Variants in DCUN1D5 observed in about 807,000 individuals in gnomAD.
DCUN1D5 encodes defective in cullin neddylation 1 domain containing 5, also known as DCN1-like protein 5.
Under a neutral mutation model 38.3 loss-of-function variants are expected in DCUN1D5, and 10 were observed. The observed-to-expected ratio is 0.26, with a 90% CI of 0.16 to 0.44. The LOEUF (loss-of-function observed/expected upper bound fraction) is 0.44, where lower values mean the gene tolerates loss of function less well. DCUN1D5 is among the 20% of genes least tolerant of loss of function. DCUN1D5 has a pLI of 1.00. For synonymous variants in DCUN1D5, 93 were observed against 90.9 expected, an observed-to-expected ratio of 1.02 and a Z score of -0.13; for missense variants, 148 against 275.3, an observed-to-expected ratio of 0.54 and a Z score of 3.27.
At chr11:103,088,795 T>C (rs1436790438) in intron 2 of DCUN1D5, among the ~76,000 whole-genome samples, 1 of 152,234 alleles carries the variant, frequency 6.6e-6, no homozygotes, top group East Asian at 1.9e-4. Context: ...TCTTTTACTA[T>C]GTCTCCCCAA....
chr11:103,058,874 G>A lies in DCUN1D5; in HGVS notation c.*3485C>T, dbSNP rs769574296. Among the ~76,000 whole-genome samples the A allele has an allele frequency of 1.3e-5, 2 of 151,264 alleles. No homozygotes were observed. Among genetic ancestry groups the A allele is most frequent in the African/African-American group, 2.4e-5 (1 of 40,904 alleles). On this transcript the variant is annotated 3_prime_UTR_variant, in exon 8 of 8. Transcript: ENST00000260247. ...CTTAGAGGTAAGAATTCTTCTTTAG[G>A]AGTAAGACTTTTGGGTTTTTTTGGG...
At chr11:103,074,197 G>A (rs535968524) in intron 4 of DCUN1D5, among the ~76,000 whole-genome samples, 1 of 152,254 alleles carries the variant, frequency 6.6e-6, no homozygotes, top group South Asian at 2.1e-4. Context: ...GTTATAGAAT[G>A]TAAGAAAATG....
In DCUN1D5 at chr11:103,071,645, G is replaced by A. The variant is rs1158870830; in HGVS notation, c.342-5078C>T. Among the ~76,000 whole-genome samples the A allele has an allele frequency of 2.7e-5, 4 of 150,644 alleles. No homozygotes were observed. Among genetic ancestry groups the A allele is most frequent in the Non-Finnish European group, 5.9e-5 (4 of 67,636 alleles). ...ACATAGATATAAAAATTCTACATAT[G>A]TAACAATTTTTCTACATCAAAACTT... is the stretch of plus-strand genomic sequence containing the variant. On this transcript the variant is annotated intron_variant, in intron 4 of 7. Transcript: ENST00000260247. The surrounding 1 kb of genome is among the most constrained non-coding windows in gnomAD (Gnocchi z 4.1).
At chr11:103,080,005 A>C (rs1159984642) in intron 4 of DCUN1D5, 1 of 152,238 alleles carries the variant, frequency 6.6e-6, no homozygotes, top group East Asian at 1.9e-4. Context: ...AGCCTATATG[A>C]ATAGAAAACA....
At position 103,057,842 on chromosome 11, in the gene DCUN1D5, A is replaced by T. The variant is rs1861911983; in HGVS notation, c.*4517T>A. On this transcript the variant is annotated 3_prime_UTR_variant, in exon 8 of 8. Coordinates refer to ENST00000260247, the MANE Select transcript of DCUN1D5 (RefSeq NM_032299.4). The surrounding 1 kb of genome is among the most constrained non-coding windows in gnomAD (Gnocchi z 4.8). Reference sequence around the variant, plus strand: ...CACTTCAAGTATTTATTAGCTTTTTAAAATCCACAATTTTAACCTCATACT... The same window carrying T: ...CACTTCAAGTATTTATTAGCTTTTTTAAATCCACAATTTTAACCTCATACT... 1.3e-5 allele frequency among the ~76,000 whole-genome samples: 2 copies of T among 152,214 alleles called. No homozygotes were observed. The highest frequency in any genetic ancestry group is 4.8e-5 in the African/African-American group (2 of 41,462).
At chr11:103,079,734 G>A (rs1862506845) in intron 4 of DCUN1D5, among the ~76,000 whole-genome samples, 1 of 150,720 alleles carries the variant, frequency 6.6e-6, no homozygotes, top group Admixed American at 6.6e-5. Flanking sequence ...AGTGAGCCAT[G>A]ATTGTGTCAC....
rs1406347923 is a variant in DCUN1D5 at position 103,062,159 on chromosome 11, T to C, written c.*200A>G. 4.0e-6 allele frequency: 2 copies of C among 505,686 alleles called. No homozygotes were observed. The highest frequency in any genetic ancestry group is 3.7e-5 in the Admixed American group (1 of 27,022). The allele number at this position is 505,686 out of a possible 1,614,324, so 31.3% of individuals were successfully genotyped here. A position where few individuals can be genotyped will look rare whatever the true frequency, so the allele number is the denominator to read the frequency against. ...ACATAACTCAAAACAAAAACTTCAA[T>C]ATTCAGTCTAAGAAGAGGTGTGGCT... On this transcript the variant is annotated 3_prime_UTR_variant, in exon 8 of 8. Transcript: ENST00000260247. This position sits in a 1 kb window ranked among gnomAD's most constrained non-coding sequence, Gnocchi z 4.6.
Position 103,066,490 on chromosome 11 carries a change from T to C in DCUN1D5, c.419A>G (p.Asn140Ser). 6.2e-7 allele frequency: 1 copy of C among 1,612,224 alleles called. No individual in the cohort carries two copies. Among genetic ancestry groups the C allele is most frequent in the Non-Finnish European group, 8.5e-7 (1 of 1,178,976 alleles). ...AAAATCAAAGGCATATCTGTAGATATTCTTAAATGACGAAATATCATTCAA... is the reference window on the plus strand; with the variant it reads ...AAAATCAAAGGCATATCTGTAGATACTCTTAAATGACGAAATATCATTCAA... ...SQLNDISSFK[N>S]IYRYAFDFAR... The change falls in exon 5 of 8, where the codon AAT becomes AGT. Residue 140 changes from asparagine (N) to serine (S), a missense_variant. Asn to Ser is a conservative substitution (Grantham distance 46). Coordinates refer to ENST00000260247, the MANE Select transcript of DCUN1D5 (RefSeq NM_032299.4). The surrounding 1 kb of genome is among the most constrained non-coding windows in gnomAD (Gnocchi z 4.7).
chr11:103,090,325 T>C (rs1315649628), intron 1 of DCUN1D5, among the ~76,000 whole-genome samples: 5 of 152,228 alleles, frequency 3.3e-5, no homozygotes, highest in Non-Finnish European at 7.3e-5. Context: ...AATTCTAATG[T>C]TGACAAACAA....
rs1426955797 is a variant in DCUN1D5, at chr11:103,062,475, CA to C, written c.659-62del. 1 of 1,436,966 alleles carries C rather than the reference CA, an allele frequency of 7.0e-7. No individual in the cohort carries two copies. The highest frequency in any genetic ancestry group is 9.7e-7 in the Non-Finnish European group (1 of 1,027,192). 89.0% of individuals were successfully genotyped at this position (1,436,966 alleles called of 1,614,324 possible). ...TGAACTCATCTCTCCAATTATAAAACAAACTCCCCACGAGCTCTGCAATGAC... is the reference window on the plus strand; with the variant it reads ...TGAACTCATCTCTCCAATTATAAAACAACTCCCCACGAGCTCTGCAATGAC... On this transcript the variant is annotated intron_variant, in intron 7 of 7. Transcript: ENST00000260247. This position sits in a 1 kb window ranked among gnomAD's most constrained non-coding sequence, Gnocchi z 4.6.
intron 2 of DCUN1D5, among the ~76,000 whole-genome samples, chr11:103,085,733 T>C (rs2134634804): frequency 6.6e-6 from 1 of 152,336 alleles, no homozygotes; most frequent in Non-Finnish European, 1.5e-5. Flanking sequence ...AACTACTCTC[T>C]GGGTAAAACC....
At chr11:103,080,280 A>G (rs1591221822) in intron 4 of DCUN1D5, among the ~76,000 whole-genome samples, 1 of 152,336 alleles carries the variant, frequency 6.6e-6, no homozygotes, top group African/African-American at 2.4e-5. Flanking sequence ...AATATCAGAG[A>G]GAACTGATAA....
In DCUN1D5 at chr11:103,087,115, CA is replaced by C. The variant is rs1449694412; in HGVS notation, c.178+2111del. Among the ~76,000 whole-genome samples the C allele has an allele frequency of 6.6e-6, 1 of 151,644 alleles. No individual in the cohort carries two copies. The highest frequency in any genetic ancestry group is 2.4e-5 in the African/African-American group (1 of 41,308). ...CTGAGGCAATTAGATCACTTGAGCCCAGGAGTTGGAGACCAGTTTGGGCAAC... is the reference window on the plus strand; with the variant it reads ...CTGAGGCAATTAGATCACTTGAGCCCGGAGTTGGAGACCAGTTTGGGCAAC... On this transcript the variant is annotated intron_variant, in intron 2 of 7. Coordinates refer to ENST00000260247, the MANE Select transcript of DCUN1D5 (RefSeq NM_032299.4). This position sits in a 1 kb window ranked among gnomAD's most constrained non-coding sequence, Gnocchi z 4.1.
rs200708074 is a variant in DCUN1D5 at position 103,057,554 on chromosome 11, A to AC, written c.*4804_*4805insG. ...ATCCCATCTTTACTAAAACAAACAA[A>AC]AAAAAAAATACAAAACTTAGCTGGG... On this transcript the variant is annotated 3_prime_UTR_variant, in exon 8 of 8. Coordinates refer to ENST00000260247, the MANE Select transcript of DCUN1D5 (RefSeq NM_032299.4). The surrounding 1 kb of genome is among the most constrained non-coding windows in gnomAD (Gnocchi z 4.8). 5.6e-3 allele frequency among the ~76,000 whole-genome samples: 849 copies of AC among 151,692 alleles called. 3 individuals carry two copies. Among genetic ancestry groups the AC allele is most frequent in the African/African-American group, 0.019 (797 of 41,374 alleles).
At chr11:103,075,522 T>C (rs1177828631) in intron 4 of DCUN1D5, among the ~76,000 whole-genome samples, 2 of 152,076 alleles carry the variant, frequency 1.3e-5, no homozygotes, top group Non-Finnish European at 2.9e-5. Context: ...GCTGGGACTA[T>C]AGGCGCATGC....
rs1862072104 is a variant in DCUN1D5 at position 103,063,823 on chromosome 11, T to C, written c.658+452A>G. ...ACTATCAGTTAGCTCACAATCAATT[T>C]ATAGTTTTCAGAGAGAAGTTATACT... On this transcript the variant is annotated intron_variant, in intron 7 of 7. Transcript: ENST00000260247. The surrounding 1 kb of genome is among the most constrained non-coding windows in gnomAD (Gnocchi z 4.6). 6.6e-6 allele frequency among the ~76,000 whole-genome samples: 1 copy of C among 152,168 alleles called. No homozygotes were observed. Among genetic ancestry groups the C allele is most frequent in the Non-Finnish European group, 1.5e-5 (1 of 67,980 alleles).
At position 103,060,329 on chromosome 11, in the gene DCUN1D5, G is replaced by C. The variant is rs951830761; in HGVS notation, c.*2030C>G. Among the ~76,000 whole-genome samples the C allele has an allele frequency of 6.6e-6, 1 of 152,128 alleles. No individual in the cohort carries two copies. Among genetic ancestry groups the C allele is most frequent in the Admixed American group, 6.6e-5 (1 of 15,262 alleles). On this transcript the variant is annotated 3_prime_UTR_variant, in exon 8 of 8. Coordinates refer to ENST00000260247, the MANE Select transcript of DCUN1D5 (RefSeq NM_032299.4). Reference sequence around the variant, plus strand: ...CTCAAAAAGTCTTAAAGGTATCTTTGGATAAGTATGCAAAGTAAATACTGT... The same window carrying C: ...CTCAAAAAGTCTTAAAGGTATCTTTCGATAAGTATGCAAAGTAAATACTGT...
In DCUN1D5 at chr11:103,056,070, A is replaced by T. The variant is rs1029885036; in HGVS notation, c.*6289T>A. 6.6e-6 allele frequency among the ~76,000 whole-genome samples: 1 copy of T among 152,080 alleles called. No individual in the cohort carries two copies. Among genetic ancestry groups the T allele is most frequent in the Admixed American group, 6.6e-5 (1 of 15,264 alleles). On this transcript the variant is annotated 3_prime_UTR_variant, in exon 8 of 8. Coordinates refer to ENST00000260247, the MANE Select transcript of DCUN1D5 (RefSeq NM_032299.4). This position sits in a 1 kb window ranked among gnomAD's most constrained non-coding sequence, Gnocchi z 4.9. ...ACCACCAAAATACATTCAGAATCTGACCACTTATTATTTCCATTACTCTTA... is the reference window on the plus strand; with the variant it reads ...ACCACCAAAATACATTCAGAATCTGTCCACTTATTATTTCCATTACTCTTA...
intron 1 of DCUN1D5, 99 bp from the exon 2 acceptor site, chr11:103,089,417 G>GTTTTT: frequency 5.3e-6 from 5 of 945,736 alleles, no homozygotes; most frequent in African/African-American, 1.7e-5. Context: ...TTAAACAAAG[G>GTTTTT]TTTTTTTTTT....
Sources: gnomAD v4.1 joint callset for allele counts (sites outside exome capture counted in the v4.1 genomes callset) on GRCh38, gnomAD v4.1.1 for gene constraint, Gnocchi (gnomAD v3.1) non-coding constraint, MANE v1.5 for transcripts, NCBI Gene and HGNC (gene_info 2026-07-23, HGNC 2026-07-21) for gene names.